NAXD: variants seen among roughly 807,000 people sequenced by gnomAD.
NAXD encodes NAD(P)HX dehydratase.
In NAXD, 22 loss-of-function variants were observed where a neutral mutation model predicts 35.8. The ratio of observed to expected loss-of-function variants is 0.62; its 90% CI spans 0.44 to 0.88. The LOEUF is 0.88. NAXD is among the 40% of genes least tolerant of loss of function. The pLI is 0.00. For synonymous variants in NAXD, 189 were observed against 177.6 expected (o/e 1.06, Z -0.51); for missense variants, 428 against 437.7 (o/e 0.98, Z 0.20).
At chr13:110,622,491 A>G (rs763743928) in intron 2 of NAXD, 125 bp downstream of exon 2, 112 of 921,804 alleles carry the variant, frequency 1.2e-4, no homozygotes, top group Non-Finnish European at 1.8e-4. Context: ...CTGATAGGAC[A>G]CTCAGTATTT....
intron 1 of NAXD, chr13:110,616,274 C>G (rs1431455740): frequency 6.3e-6 from 1 of 157,676 alleles, no homozygotes; most frequent in Non-Finnish European, 1.4e-5. Context: ...AGGGCCGTGT[C>G]TGCATCCCCA....
intron 3 of NAXD, among the ~76,000 whole-genome samples, chr13:110,624,943 A>AGCTGGGCCGT (rs1220185598): frequency 2.0e-5 from 3 of 152,156 alleles, no homozygotes; most frequent in African/African-American, 7.2e-5. Context: ...GACCAGACCG[A>AGCTGGGCCGT]GCTGGGCCGT....
In NAXD at chr13:110,627,486, T is replaced by C. The variant is rs1183380758; in HGVS notation, c.380T>C (p.Leu127Pro). 6.2e-7 allele frequency: 1 copy of C among 1,614,194 alleles called. No homozygotes were observed. Among genetic ancestry groups the C allele is most frequent in the Admixed American group, 1.7e-5 (1 of 60,030 alleles). The change falls in exon 5 of 10, where the codon CTG becomes CCG. Residue 127 changes from leucine to proline, a missense_variant. By Grantham distance (98) the Leu-to-Pro change is moderately conservative. Around this residue, in one of 3 missense-constraint regions of NAXD, gnomAD observed 208 missense variants for 193.0 expected, o/e 1.08. Coordinates refer to ENST00000680254, the MANE Select transcript of NAXD (RefSeq NM_001242882.2). ...VHEVEKWLPR[L>P]HALVVGPGLG... ...GAGGTGGAGAAGTGGCTGCCCCGGC[T>C]GCATGCTCTTGTCGTAGGACCTGGC...
chr13:110,633,919 T>G (rs945957658), intron 5 of NAXD, among the ~76,000 whole-genome samples: 32 of 152,196 alleles, frequency 2.1e-4, no homozygotes, highest in Non-Finnish European at 4.3e-4. Flanking sequence ...GAATTCAGAT[T>G]TCCTGCCTCC....
rs1370102092 is a variant in NAXD, at chr13:110,639,677, T to C, written c.*1149T>C. 1 of 152,170 alleles carries C rather than the reference T, an allele frequency of 6.6e-6. No individual in the cohort carries two copies. The highest frequency in any genetic ancestry group is 2.4e-5 in the African/African-American group (1 of 41,412). The allele number at this position is 152,170 out of a possible 1,614,324, so 9.4% of individuals were successfully genotyped here. A position where few individuals can be genotyped will look rare whatever the true frequency, so the allele number is the denominator to read the frequency against. On this transcript the variant is annotated 3_prime_UTR_variant, in exon 10 of 10. Coordinates refer to ENST00000680254, the MANE Select transcript of NAXD (RefSeq NM_001242882.2). ...GTGCCTGACGCGTGCATTAGGGTGT[T>C]CTCTTATACTTTCAGTAGCATCTTT...
At chr13:110,625,303 C>T (rs773029612) in intron 4 of NAXD, 25 bp downstream of exon 4, 28 of 1,520,876 alleles carry the variant, frequency 1.8e-5, no homozygotes, top group Admixed American at 8.4e-5. Flanking sequence ...GCCGGCTTCT[C>T]GTAGGTTCTC....
intron 3 of NAXD, among the ~76,000 whole-genome samples, chr13:110,624,731 G>T (rs1034014613): frequency 1.4e-4 from 22 of 152,218 alleles, no homozygotes; most frequent in Non-Finnish European, 2.5e-4. Flanking sequence ...CGAAGTGCTG[G>T]GATTACAGGC....
chr13:110,619,137 G>T (rs1249016032), intron 1 of NAXD, among the ~76,000 whole-genome samples: 1 of 152,214 alleles, frequency 6.6e-6, no homozygotes. Flanking sequence ...TTCCGGTAAT[G>T]TATAGGTTAT....
chr13:110,625,126 G>T, intron 3 of NAXD, 64 bp from the exon 4 acceptor site: 1 of 1,213,428 alleles, frequency 8.2e-7, no homozygotes, highest in East Asian at 2.3e-5. Flanking sequence ...GGACGCCTGT[G>T]TCTGGCGGGT....
At position 110,634,454 on chromosome 13, in the gene NAXD, G is replaced by A. The variant is rs543862558; in HGVS notation, c.442-91G>A. 111 of 1,336,796 alleles carry A rather than the reference G, an allele frequency of 8.3e-5. 2 individuals are homozygous for A. In the Admixed American group the frequency reaches 1.3e-3, roughly 16 times the overall value. 82.8% of individuals were successfully genotyped at this position (1,336,796 alleles called of 1,614,324 possible). A position where few individuals can be genotyped will look rare whatever the true frequency, so the allele number is the denominator to read the frequency against. On this transcript the variant is annotated intron_variant, in intron 5 of 9. Transcript: ENST00000680254. Reference sequence around the variant, plus strand: ...CCCCACCTCCCAGGACCCTTCCCTTGGCAATTAAGTTTCACCATGAGTTTT... The same window carrying A: ...CCCCACCTCCCAGGACCCTTCCCTTAGCAATTAAGTTTCACCATGAGTTTT...
intron 5 of NAXD, among the ~76,000 whole-genome samples, chr13:110,634,265 T>TCG (rs1266115189): frequency 3.3e-5 from 5 of 152,198 alleles, no homozygotes; most frequent in African/African-American, 9.7e-5. Flanking sequence ...ACTGGGTAAT[T>TCG]GATAATGAAC....
intron 2 of NAXD, among the ~76,000 whole-genome samples, 189 bp downstream of exon 2, chr13:110,622,555 G>A (rs1272925029): frequency 6.6e-6 from 1 of 152,218 alleles, no homozygotes; most frequent in Non-Finnish European, 1.5e-5. Flanking sequence ...AGCCCTGACT[G>A]AATTACTCCC....
rs140042422 is a variant in NAXD at position 110,630,090 on chromosome 13, C to T, written c.441+2543C>T. Among the ~76,000 whole-genome samples the T allele has an allele frequency of 8.1e-4, 123 of 152,112 alleles. 1 individual carries two copies. In the East Asian group the frequency reaches 0.023, roughly 28 times the overall value. On this transcript the variant is annotated intron_variant, in intron 5 of 9. Coordinates refer to ENST00000680254, the MANE Select transcript of NAXD (RefSeq NM_001242882.2). Reference sequence around the variant, plus strand: ...TGTCACCCAGGCTGGAGTATAATGGCGTGATCTTGGCTCACTGCAATCTCC... The same window carrying T: ...TGTCACCCAGGCTGGAGTATAATGGTGTGATCTTGGCTCACTGCAATCTCC...
chr13:110,618,491 TC>T (rs1271774925), intron 1 of NAXD, among the ~76,000 whole-genome samples: 2 of 152,172 alleles, frequency 1.3e-5, no homozygotes, highest in Non-Finnish European at 2.9e-5. Context: ...AGAACAGGAT[TC>T]CCCCCGTGTT....
At chr13:110,637,090 G>A (rs1886953067) in intron 8 of NAXD, 39 bp from the exon 9 acceptor site, 8 of 1,578,964 alleles carry the variant, frequency 5.1e-6, no homozygotes, top group South Asian at 2.3e-5. Context: ...TCACACACAT[G>A]GCCATGCTGA....
intron 8 of NAXD, among the ~76,000 whole-genome samples, chr13:110,636,469 C>T (rs866193377): frequency 1.3e-5 from 2 of 152,260 alleles, no homozygotes; most frequent in Middle Eastern, 3.4e-3. Flanking sequence ...GCCTCGCACA[C>T]GCCCTCGCAC....
Position 110,623,858 on chromosome 13 carries a change from C to G in NAXD, c.198-376C>G, listed in dbSNP as rs371799629. Reference sequence around the variant, plus strand: ...TCCCTACTAAAACTACAAAATTAGCCGGGTGTGGTGGCGCATGCCTGTAAT... The same window carrying G: ...TCCCTACTAAAACTACAAAATTAGCGGGGTGTGGTGGCGCATGCCTGTAAT... On this transcript the variant is annotated intron_variant, in intron 2 of 9. Coordinates refer to ENST00000680254, the MANE Select transcript of NAXD (RefSeq NM_001242882.2). Among the ~76,000 whole-genome samples, 3 of 152,126 alleles carry G rather than the reference C, an allele frequency of 2.0e-5. No homozygotes were observed. The South Asian group carries it at 6.2e-4, about 32-fold the overall frequency.
chr13:110,616,684 A>G (rs1057076517), intron 1 of NAXD, among the ~76,000 whole-genome samples: 19 of 152,298 alleles, frequency 1.2e-4, no homozygotes, highest in Middle Eastern at 3.4e-3. Context: ...CATATTTTAT[A>G]CAGGAAGTAG....
intron 1 of NAXD, among the ~76,000 whole-genome samples, chr13:110,617,789 A>G (rs1408860896): frequency 6.6e-6 from 1 of 152,236 alleles, no homozygotes; most frequent in East Asian, 1.9e-4. Flanking sequence ...CAGCATCTGC[A>G]CAGGTTTCTC....
Sources: gnomAD v4.1 joint callset for allele counts (sites outside exome capture counted in the v4.1 genomes callset) on GRCh38, gnomAD v4.1.1 for gene constraint, gnomAD v4.1.1 regional missense constraint, MANE v1.5 for transcripts, NCBI Gene and HGNC (gene_info 2026-07-23, HGNC 2026-07-21) for gene names.